PIK3C3: variants seen among roughly 807,000 people sequenced by gnomAD.
PIK3C3 encodes phosphatidylinositol 3-kinase catalytic subunit type 3, also known as PI3-kinase type 3.
A neutral mutation model predicts 126.1 loss-of-function variants in PIK3C3; 95 were observed. The observed-to-expected ratio is 0.75, with a 90% CI of 0.64 to 0.89. The LOEUF is 0.89. Among genes scored for constraint, PIK3C3 ranks in the 40% least tolerant of loss-of-function variants. The pLI is 0.00. For synonymous variants in PIK3C3, 374 were observed against 360.0 expected (o/e 1.04, Z -0.44); for missense variants, 829 against 1,063.2 (o/e 0.78, Z 3.06).
rs1986379769 is a variant in PIK3C3 at position 42,085,475 on chromosome 18, T to A, written c.*4338T>A. 6.6e-6 allele frequency: 1 copy of A among 152,156 alleles called. No homozygotes were observed. The highest frequency in any genetic ancestry group is 1.5e-5 in the Non-Finnish European group (1 of 68,024). 9.4% of individuals were successfully genotyped at this position (152,156 alleles called of 1,614,324 possible). A position where few individuals can be genotyped will look rare whatever the true frequency, so the allele number is the denominator to read the frequency against. ...ACTTAATTTTGAGACTAGTATTTCA[T>A]ACAGAAAAAGCTAATACTGATATCA... On this transcript the variant is annotated 3_prime_UTR_variant, in exon 25 of 25. Transcript: ENST00000262039.
chr18:41,980,649 C>T (rs543926888), intron 4 of PIK3C3, among the ~76,000 whole-genome samples: 2 of 151,720 alleles, frequency 1.3e-5, no homozygotes, highest in South Asian at 4.2e-4. Flanking sequence ...AACTTTGTCT[C>T]TGTAAATAAA....
chr18:41,978,738 T>C (rs1266039450), intron 4 of PIK3C3, among the ~76,000 whole-genome samples: 1 of 152,148 alleles, frequency 6.6e-6, no homozygotes, highest in Non-Finnish European at 1.5e-5. Flanking sequence ...TAAGTAGTAA[T>C]TGAAAACCAA....
In PIK3C3 at chr18:41,957,680, C is replaced by T; in HGVS notation, c.179C>T (p.Thr60Ile). The T allele has an allele frequency of 6.2e-7, 1 of 1,613,988 alleles. No homozygotes were observed. Among genetic ancestry groups the T allele is most frequent in the Non-Finnish European group, 8.5e-7 (1 of 1,179,930 alleles). Reference protein sequence around the residue: ...YQETCSDLYVTCQVFAEGKPL... With the variant: ...YQETCSDLYVICQVFAEGKPL... ...GAGACATGCTCTGATCTTTATGTTA[C>T]TTGTCAAGTTTTTGCAGAAGGGAAG... Residue 60 changes from threonine to isoleucine, a missense_variant, in exon 2 of 25, where the codon ACT becomes ATT. Around this residue, in one of 4 missense-constraint regions of PIK3C3, gnomAD observed 313 missense variants for 340.7 expected, o/e 0.92. Coordinates refer to ENST00000262039, the MANE Select transcript of PIK3C3 (RefSeq NM_002647.4).
At position 42,085,254 on chromosome 18, in the gene PIK3C3, C is replaced by T. The variant is rs1404823160; in HGVS notation, c.*4117C>T. ...CACTAGTTTTTTACTTTTATCTACCCTGAGGGTAGATAACCCATATTCCAA... is the reference window on the plus strand; with the variant it reads ...CACTAGTTTTTTACTTTTATCTACCTTGAGGGTAGATAACCCATATTCCAA... On this transcript the variant is annotated 3_prime_UTR_variant, in exon 25 of 25. Transcript: ENST00000262039. The T allele has an allele frequency of 1.3e-5, 2 of 152,116 alleles. No individual in the cohort carries two copies. The highest frequency in any genetic ancestry group is 2.9e-5 in the Non-Finnish European group (2 of 68,008). 9.4% of individuals were successfully genotyped at this position (152,116 alleles called of 1,614,324 possible).
chr18:41,963,490 C>T (rs1980201446), intron 3 of PIK3C3, among the ~76,000 whole-genome samples: 1 of 152,102 alleles, frequency 6.6e-6, no homozygotes, highest in African/African-American at 2.4e-5. Flanking sequence ...TTTGGCAGTA[C>T]ACTACTAGTG....
intron 4 of PIK3C3, among the ~76,000 whole-genome samples, chr18:41,975,975 C>T (rs909774564): frequency 2.0e-5 from 3 of 152,192 alleles, no homozygotes; most frequent in Non-Finnish European, 2.9e-5. Flanking sequence ...GCTGGGATTG[C>T]AGGCGTGAGC....
chr18:42,058,503 G>A (rs1301968702), intron 22 of PIK3C3, among the ~76,000 whole-genome samples: 2 of 152,152 alleles, frequency 1.3e-5, no homozygotes, highest in African/African-American at 4.8e-5. Context: ...ATTTTAGAGT[G>A]ATATTAGTTC....
intron 14 of PIK3C3, among the ~76,000 whole-genome samples, chr18:42,028,546 C>T (rs981651275): frequency 6.6e-6 from 1 of 152,176 alleles, no homozygotes; most frequent in Admixed American, 6.5e-5. Context: ...AAATTTAAAT[C>T]ACATCTTATT....
intron 23 of PIK3C3, among the ~76,000 whole-genome samples, chr18:42,066,076 T>G (rs1012031361): frequency 6.6e-6 from 1 of 152,210 alleles, no homozygotes; most frequent in Non-Finnish European, 1.5e-5. Context: ...TAAGTAGAAG[T>G]TAAGGAAATC....
chr18:41,967,835 T>C (rs931076660), intron 3 of PIK3C3, among the ~76,000 whole-genome samples: 7 of 152,224 alleles, frequency 4.6e-5, no homozygotes, highest in Non-Finnish European at 8.8e-5. Flanking sequence ...CAGTTGGTGC[T>C]GTAGTGGCTT....
At chr18:41,959,485 A>G (rs1271337446) in intron 2 of PIK3C3, among the ~76,000 whole-genome samples, 1 of 152,224 alleles carries the variant, frequency 6.6e-6, no homozygotes, top group Non-Finnish European at 1.5e-5. Flanking sequence ...TAAAATGTCT[A>G]AGCTATGTAG....
chr18:42,034,095 G>A, intron 16 of PIK3C3, 138 bp downstream of exon 16: 1 of 503,680 alleles, frequency 2.0e-6, no homozygotes, highest in South Asian at 4.9e-5. Flanking sequence ...TAGATTGAAG[G>A]GTACCTTTTA....
chr18:42,078,521 A>G (rs1029113706), intron 24 of PIK3C3, among the ~76,000 whole-genome samples: 1 of 152,050 alleles, frequency 6.6e-6, no homozygotes, highest in Non-Finnish European at 1.5e-5. Flanking sequence ...TAGGATTTTC[A>G]GAGTGGTAAA....
intron 21 of PIK3C3, among the ~76,000 whole-genome samples, chr18:42,054,909 C>T (rs1297545873): frequency 6.6e-6 from 1 of 151,652 alleles, no homozygotes; most frequent in Non-Finnish European, 1.5e-5. Context: ...TTTGTTTTAC[C>T]ACCATGAGAT....
chr18:41,963,643 C>G (rs938003020), intron 3 of PIK3C3, among the ~76,000 whole-genome samples: 1 of 152,020 alleles, frequency 6.6e-6, no homozygotes, highest in African/African-American at 2.4e-5. Flanking sequence ...TTACAAATGT[C>G]TTAATTTTTG....
intron 4 of PIK3C3, chr18:41,970,719 G>A (rs1384405605): frequency 5.2e-6 from 3 of 581,076 alleles, no homozygotes; most frequent in South Asian, 2.2e-5. Flanking sequence ...AAAAGAAACC[G>A]CACCATTAAC....
chr18:42,057,390 A>G (rs970550460), intron 21 of PIK3C3, among the ~76,000 whole-genome samples: 1 of 152,168 alleles, frequency 6.6e-6, no homozygotes, highest in Non-Finnish European at 1.5e-5. Context: ...ATTGCTATTT[A>G]TGCTAAGAAT....
intron 2 of PIK3C3, among the ~76,000 whole-genome samples, chr18:41,961,665 G>A (rs1179569068): frequency 1.3e-5 from 2 of 152,148 alleles, no homozygotes; most frequent in East Asian, 3.9e-4. Context: ...AATTCTATGT[G>A]TCTGCTAGGT....
chr18:42,066,380 A>G lies in PIK3C3; in HGVS notation c.2524-1008A>G, dbSNP rs149923899. Among the ~76,000 whole-genome samples, 1,364 of 151,990 alleles carry G rather than the reference A, an allele frequency of 9.0e-3. 18 individuals carry two copies. Among genetic ancestry groups the G allele is most frequent in the African/African-American group, 0.032 (1,310 of 41,264 alleles). ...AGTAGTGAAACCCTATACTTCAAAC[A>G]CTAAATGGGGACCACACTTTATCCA... On this transcript the variant is annotated intron_variant, in intron 23 of 24. Coordinates refer to ENST00000262039, the MANE Select transcript of PIK3C3 (RefSeq NM_002647.4).
Sources: gnomAD v4.1 joint callset for allele counts (sites outside exome capture counted in the v4.1 genomes callset) on GRCh38, gnomAD v4.1.1 for gene constraint, gnomAD v4.1.1 regional missense constraint, MANE v1.5 for transcripts, NCBI Gene and HGNC (gene_info 2026-07-23, HGNC 2026-07-21) for gene names.